Variants in PCDH15 observed in about 807,000 individuals in gnomAD.
The protein encoded by PCDH15 is protocadherin related 15, also known as protocadherin-15.
Under a neutral mutation model 178.5 loss-of-function variants are expected in PCDH15, and 129 were observed. That is an observed-to-expected ratio of 0.72 (90% CI 0.63 to 0.84). The LOEUF is 0.84. PCDH15 is among the 40% of genes least tolerant of loss of function. The pLI is 0.00. For synonymous variants in PCDH15, 800 were observed against 732.0 expected, an observed-to-expected ratio of 1.09 and a Z score of -1.50; for missense variants, 2,230 against 2,099.9, an observed-to-expected ratio of 1.06 and a Z score of -1.21.
intron 2 of PCDH15, among the ~76,000 whole-genome samples, chr10:55,015,171 G>A (rs1207799870): frequency 1.3e-5 from 2 of 152,060 alleles, no homozygotes; most frequent in African/African-American, 4.8e-5. Flanking sequence ...TGAGGTTGCA[G>A]TGAGCCAAGA....
intron 2 of PCDH15, among the ~76,000 whole-genome samples, chr10:55,568,460 T>G (rs1367660599): frequency 6.6e-6 from 1 of 151,972 alleles, no homozygotes; most frequent in African/African-American, 2.4e-5. Context: ...TTGACAATAA[T>G]GACGACTGAA....
intron 1 of PCDH15, among the ~76,000 whole-genome samples, chr10:55,251,406 T>A (rs1321069725): frequency 6.6e-6 from 1 of 152,118 alleles, no homozygotes; most frequent in African/African-American, 2.4e-5. Context: ...TAATCTGGTT[T>A]TTCTCCATTT....
At chr10:54,342,620 C>T (rs1490641993) in intron 6 of PCDH15, among the ~76,000 whole-genome samples, 2 of 150,654 alleles carry the variant, frequency 1.3e-5, no homozygotes, top group East Asian at 1.9e-4. Flanking sequence ...AAAAGAGTCC[C>T]ACTGTCTCCT....
At chr10:53,843,139 T>C (rs1396647334) in intron 28 of PCDH15, among the ~76,000 whole-genome samples, 2 of 152,224 alleles carry the variant, frequency 1.3e-5, no homozygotes, top group Non-Finnish European at 2.9e-5. Context: ...ATTTAAAACA[T>C]GCAATAATGT....
chr10:54,447,268 C>G (rs867371618), intron 3 of PCDH15, among the ~76,000 whole-genome samples: 3 of 151,550 alleles, frequency 2.0e-5, no homozygotes, highest in Non-Finnish European at 4.4e-5. Context: ...ACTCCATTGG[C>G]AATTTTCAAA....
intron 3 of PCDH15, among the ~76,000 whole-genome samples, chr10:54,825,333 T>C (rs1282232418): frequency 6.0e-5 from 9 of 148,812 alleles, no homozygotes; most frequent in African/African-American, 1.7e-4. Flanking sequence ...GCAATAAACA[T>C]ACGTGTGCAT....
chr10:54,988,277 C>T (rs555944305), intron 2 of PCDH15, among the ~76,000 whole-genome samples: 5 of 152,038 alleles, frequency 3.3e-5, no homozygotes, highest in Non-Finnish European at 5.9e-5. Flanking sequence ...TTATTATAGC[C>T]TTGTAGTATA....
At chr10:54,071,918 TAA>T (rs938832002) in intron 17 of PCDH15, among the ~76,000 whole-genome samples, 77 of 152,256 alleles carry the variant, frequency 5.1e-4, no homozygotes, top group African/African-American at 1.7e-3. Flanking sequence ...GAAATGTGTC[TAA>T]CGTGTTTACT....
intron 2 of PCDH15, among the ~76,000 whole-genome samples, chr10:54,639,674 TAGG>T (rs1022365006): frequency 3.9e-5 from 6 of 152,102 alleles, no homozygotes; most frequent in Admixed American, 6.6e-5. Flanking sequence ...AACTAATAAA[TAGG>T]AGTATTCCTC....
intron 2 of PCDH15, among the ~76,000 whole-genome samples, chr10:55,127,868 T>C (rs974037642): frequency 2.0e-5 from 3 of 152,038 alleles, no homozygotes; most frequent in African/African-American, 7.2e-5. Context: ...TGAGAATCTG[T>C]GGACATGCTT....
At chr10:54,769,024 G>C (rs557408114) in intron 1 of PCDH15, among the ~76,000 whole-genome samples, 1 of 152,116 alleles carries the variant, frequency 6.6e-6, no homozygotes, top group Non-Finnish European at 1.5e-5. Context: ...TGAGCCTGCA[G>C]AAATGATGCA....
At chr10:54,658,101 T>G (rs1034860684) in intron 2 of PCDH15, among the ~76,000 whole-genome samples, 3 of 152,032 alleles carry the variant, frequency 2.0e-5, no homozygotes, top group Admixed American at 2.0e-4. Flanking sequence ...AAAAAATAAT[T>G]TTTAAAAATG....
At chr10:54,546,102 G>T (rs2085824364) in intron 2 of PCDH15, among the ~76,000 whole-genome samples, 1 of 152,198 alleles carries the variant, frequency 6.6e-6, no homozygotes, top group Non-Finnish European at 1.5e-5. Flanking sequence ...CCACTAGAAA[G>T]TTCAGATTCG....
intron 8 of PCDH15, among the ~76,000 whole-genome samples, chr10:54,257,015 T>C (rs2056943333): frequency 6.6e-6 from 1 of 151,968 alleles, no homozygotes; most frequent in African/African-American, 2.4e-5. Flanking sequence ...GTTCATGCCT[T>C]CATTCACTTT....
chr10:54,726,527 G>A (rs1335559758), intron 1 of PCDH15, among the ~76,000 whole-genome samples: 1 of 150,840 alleles, frequency 6.6e-6, no homozygotes, highest in Non-Finnish European at 1.5e-5. Context: ...AAATGCTAGA[G>A]AAAGAGAATG....
intron 32 of PCDH15, chr10:53,821,191 G>C: frequency 1.0e-6 from 1 of 974,960 alleles, no homozygotes; most frequent in Non-Finnish European, 1.2e-6. Flanking sequence ...AAAAGTATAA[G>C]ATTTATCAAA....
At chr10:55,074,797 A>G (rs1446836380) in intron 2 of PCDH15, among the ~76,000 whole-genome samples, 2 of 152,116 alleles carry the variant, frequency 1.3e-5, no homozygotes, top group Admixed American at 1.3e-4. Context: ...GTCCATGCCT[A>G]TGTCCTGAAT....
chr10:55,182,298 A>C (rs930186706), intron 1 of PCDH15, among the ~76,000 whole-genome samples: 17 of 151,938 alleles, frequency 1.1e-4, no homozygotes, highest in African/African-American at 3.9e-4. Flanking sequence ...TCAAAGTATA[A>C]AATTACTCTT....
At chr10:55,056,046 T>C (rs1236839163) in intron 2 of PCDH15, among the ~76,000 whole-genome samples, 2 of 152,254 alleles carry the variant, frequency 1.3e-5, no homozygotes, top group East Asian at 1.9e-4. Context: ...GCTAACCCAA[T>C]GTACCACCTT....
Sources: allele counts gnomAD v4.1 joint callset (sites outside exome capture counted in the v4.1 genomes callset), GRCh38; gene constraint gnomAD v4.1.1; transcripts MANE v1.5; gene names NCBI Gene and HGNC (gene_info 2026-07-23, HGNC 2026-07-21).